Variants in SIK2 observed in about 807,000 individuals in gnomAD.
SIK2 encodes serine/threonine-protein kinase SIK2.
A neutral mutation model predicts 103.2 loss-of-function variants in SIK2; 29 were observed. The observed-to-expected ratio is 0.28, with a 90% CI of 0.21 to 0.38. SIK2 has a LOEUF of 0.38. Among genes scored for constraint, SIK2 ranks in the 10% least tolerant of loss-of-function variants. The probability of loss-of-function intolerance (pLI) is 1.00; values close to 1 mark genes in which losing one functional copy is unlikely to be tolerated. For missense variants in SIK2, 879 were observed against 1,171.0 expected, an observed-to-expected ratio of 0.75 and a Z score of 3.64; for synonymous variants, 412 against 446.1, an observed-to-expected ratio of 0.92 and a Z score of 0.96.
intron 9 of SIK2, among the ~76,000 whole-genome samples, chr11:111,713,366 G>A (rs1195698711): frequency 6.6e-6 from 1 of 152,128 alleles, no homozygotes; most frequent in Non-Finnish European, 1.5e-5. Context: ...CTTGGAGCGT[G>A]TTCAAAATAG....
chr11:111,642,005 T>C (rs541372146), intron 3 of SIK2, among the ~76,000 whole-genome samples: 21 of 152,324 alleles, frequency 1.4e-4, no homozygotes, highest in South Asian at 2.1e-4. Context: ...TAGTAAATGT[T>C]AATCTCTTCT....
chr11:111,604,944 A>G (rs1941629220), intron 1 of SIK2, among the ~76,000 whole-genome samples: 1 of 145,086 alleles, frequency 6.9e-6, no homozygotes, highest in African/African-American at 2.5e-5. Context: ...TCTAGGTTGT[A>G]AAGTTGCTCT....
chr11:111,670,105 A>G (rs1264418369), intron 3 of SIK2, among the ~76,000 whole-genome samples: 2 of 152,156 alleles, frequency 1.3e-5, no homozygotes, highest in Non-Finnish European at 2.9e-5. Context: ...ATTGTAAATT[A>G]TAGTCACCCC....
At chr11:111,621,483 G>C (rs1941885013) in intron 3 of SIK2, among the ~76,000 whole-genome samples, 1 of 94,850 alleles carries the variant, frequency 1.1e-5, no homozygotes, top group South Asian at 5.6e-4. Flanking sequence ...ACCCCAGTTT[G>C]CTTATTCATT....
At chr11:111,636,259 G>A (rs1421528931) in intron 3 of SIK2, among the ~76,000 whole-genome samples, 1 of 152,178 alleles carries the variant, frequency 6.6e-6, no homozygotes, top group Non-Finnish European at 1.5e-5. Context: ...AAGTGAGATA[G>A]CTGAAGACCT....
chr11:111,648,471 C>CT (rs1379891696), intron 3 of SIK2, among the ~76,000 whole-genome samples: 3 of 152,082 alleles, frequency 2.0e-5, no homozygotes, highest in Non-Finnish European at 4.4e-5. Flanking sequence ...TAATCCTGAA[C>CT]AGTGCCCTCA....
At chr11:111,697,346 G>C (rs939533942) in intron 4 of SIK2, among the ~76,000 whole-genome samples, 2 of 152,196 alleles carry the variant, frequency 1.3e-5, no homozygotes, top group Non-Finnish European at 2.9e-5. Context: ...GCTGTTGTCT[G>C]CAGATGATAT....
At chr11:111,715,793 C>CA (rs1265736886) in intron 9 of SIK2, among the ~76,000 whole-genome samples, 39 of 81,592 alleles carry the variant, frequency 4.8e-4, no homozygotes, top group Non-Finnish European at 6.7e-4. Flanking sequence ...TCATTTTTAG[C>CA]TTTTTTTTTT....
intron 3 of SIK2, among the ~76,000 whole-genome samples, chr11:111,678,599 A>G (rs1221609140): frequency 1.3e-5 from 2 of 152,178 alleles, no homozygotes; most frequent in African/African-American, 4.8e-5. Context: ...AGATCTTTAC[A>G]TATGTATGAA....
chr11:111,603,437 A>G lies in SIK2; in HGVS notation c.135+739A>G, dbSNP rs1591583067. 2.6e-5 allele frequency among the ~76,000 whole-genome samples: 4 copies of G among 152,246 alleles called. No homozygotes were observed. The South Asian group carries it at 8.3e-4, about 32-fold the overall frequency. ...ACTTGTCTAGGGTTGTCACTGTACCAGGTGTGCATTCTGGCTGTAATACGC... is the reference window on the plus strand; with the variant it reads ...ACTTGTCTAGGGTTGTCACTGTACCGGGTGTGCATTCTGGCTGTAATACGC... On this transcript the variant is annotated intron_variant, in intron 1 of 14. Transcript: ENST00000304987.
chr11:111,620,903 C>G (rs994221147), intron 3 of SIK2, among the ~76,000 whole-genome samples: 16 of 152,144 alleles, frequency 1.1e-4, no homozygotes, highest in Non-Finnish European at 1.5e-5. Flanking sequence ...ATTCCTTTAT[C>G]TCTAGTAAGA....
At chr11:111,623,844 C>G (rs1941926499) in intron 3 of SIK2, among the ~76,000 whole-genome samples, 1 of 152,204 alleles carries the variant, frequency 6.6e-6, no homozygotes, top group Non-Finnish European at 1.5e-5. Flanking sequence ...GTGTAGCTCA[C>G]TCTTATCTGG....
At chr11:111,709,400 C>T (rs931782592) in intron 8 of SIK2, among the ~76,000 whole-genome samples, 2 of 152,194 alleles carry the variant, frequency 1.3e-5, no homozygotes, top group African/African-American at 2.4e-5. Flanking sequence ...GGACACAATT[C>T]AGGTCATAAC....
chr11:111,703,000 T>C (rs1325539109), intron 6 of SIK2, among the ~76,000 whole-genome samples: 1 of 152,198 alleles, frequency 6.6e-6, no homozygotes, highest in Non-Finnish European at 1.5e-5. Context: ...ACCTACACCC[T>C]CCTGTTTTTC....
intron 1 of SIK2, among the ~76,000 whole-genome samples, chr11:111,603,638 C>A (rs1941613067): frequency 6.6e-6 from 1 of 152,152 alleles, no homozygotes; most frequent in Admixed American, 6.5e-5. Context: ...CTGCTCTCCT[C>A]AGGGTCTCTA....
chr11:111,609,948 A>C lies in SIK2; in HGVS notation c.136-6295A>C, dbSNP rs571940986. ...TTGGTACTTCAGAAGGACAGTGTAG[A>C]ATTAGTATATTAGTAATAGGACTGG... On this transcript the variant is annotated intron_variant, in intron 1 of 14. Coordinates refer to ENST00000304987, the MANE Select transcript of SIK2 (RefSeq NM_015191.3). 3.9e-5 allele frequency among the ~76,000 whole-genome samples: 6 copies of C among 152,340 alleles called. No individual in the cohort carries two copies. In the South Asian group the frequency reaches 1.2e-3, roughly 32 times the overall value.
chr11:111,655,013 G>C (rs555990405), intron 3 of SIK2, among the ~76,000 whole-genome samples: 7 of 152,300 alleles, frequency 4.6e-5, no homozygotes, highest in African/African-American at 1.7e-4. Flanking sequence ...AATTTAATCA[G>C]AATATTTAAA....
intron 9 of SIK2, among the ~76,000 whole-genome samples, chr11:111,719,242 C>T (rs1193112240): frequency 6.6e-6 from 1 of 151,864 alleles, no homozygotes; most frequent in East Asian, 1.9e-4. Context: ...GCATATAGAA[C>T]CAATTAAAGA....
At chr11:111,712,474 T>G (rs942452619) in intron 9 of SIK2, 99 bp downstream of exon 9, 8 of 1,289,194 alleles carry the variant, frequency 6.2e-6, no homozygotes, top group Non-Finnish European at 8.4e-6. Context: ...CTTTATCATT[T>G]CGTTAAGTCA....
Sources: gnomAD v4.1 joint callset for allele counts (sites outside exome capture counted in the v4.1 genomes callset) on GRCh38, gnomAD v4.1.1 for gene constraint, MANE v1.5 for transcripts, NCBI Gene and HGNC (gene_info 2026-07-23, HGNC 2026-07-21) for gene names.